The following CDH18 variants were observed in gnomAD, a reference collection of about 807,000 sequenced individuals.
The protein encoded by CDH18 is cadherin-18.
In CDH18, 31 loss-of-function variants were observed where a neutral mutation model predicts 67.9. That is an observed-to-expected ratio of 0.46 (90% confidence interval 0.34 to 0.62). The LOEUF (loss-of-function observed/expected upper bound fraction) is 0.62, where lower values mean the gene tolerates loss of function less well. Ranked by LOEUF, CDH18 falls within the 20% of genes least tolerant of loss-of-function variation. CDH18 has a pLI of 0.01. For synonymous variants in CDH18, 362 were observed against 347.2 expected, an observed-to-expected ratio of 1.04 and a Z score of -0.48; for missense variants, 890 against 975.5, an observed-to-expected ratio of 0.91 and a Z score of 1.17.
chr5:19,520,474 G>A (rs964587763), intron 10 of CDH18, among the ~76,000 whole-genome samples, 183 bp downstream of exon 10: 1 of 152,120 alleles, frequency 6.6e-6, no homozygotes, highest in Non-Finnish European at 1.5e-5. Flanking sequence ...CGGATCCAAA[G>A]AAAATTCAAT....
intron 2 of CDH18, among the ~76,000 whole-genome samples, chr5:20,104,567 T>C (rs955576132): frequency 6.6e-6 from 1 of 152,158 alleles, no homozygotes; most frequent in Admixed American, 6.6e-5. Context: ...TTTTAGATTG[T>C]CTCACAGGTC....
At chr5:20,467,023 C>A (rs1443913007) in intron 1 of CDH18, among the ~76,000 whole-genome samples, 2 of 151,836 alleles carry the variant, frequency 1.3e-5, no homozygotes, top group Non-Finnish European at 2.9e-5. Context: ...GATCGCCTGG[C>A]AACATTTTAT....
chr5:19,736,618 G>T (rs755038671), intron 4 of CDH18, among the ~76,000 whole-genome samples: 5 of 151,942 alleles, frequency 3.3e-5, no homozygotes, highest in Non-Finnish European at 7.4e-5. Context: ...GTGTGTGTTT[G>T]TTTTCTATAC....
At chr5:20,437,547 T>G (rs1377173402) in intron 1 of CDH18, among the ~76,000 whole-genome samples, 3 of 151,298 alleles carry the variant, frequency 2.0e-5, no homozygotes, top group Admixed American at 6.6e-5. Flanking sequence ...AGTAGTCTCT[T>G]GGTTATAATG....
chr5:20,302,829 A>C (rs1236561774), intron 1 of CDH18, among the ~76,000 whole-genome samples: 1 of 152,176 alleles, frequency 6.6e-6, no homozygotes, highest in East Asian at 1.9e-4. Context: ...ATGATTCATG[A>C]GGAATCAAAG....
intron 1 of CDH18, among the ~76,000 whole-genome samples, chr5:20,303,146 T>TAA (rs1736090380): frequency 6.6e-6 from 1 of 152,174 alleles, no homozygotes; most frequent in African/African-American, 2.4e-5. Flanking sequence ...CCCAGGCACG[T>TAA]CAATTGGTCA....
chr5:20,122,403 A>C (rs963964976), intron 2 of CDH18, among the ~76,000 whole-genome samples: 1 of 152,198 alleles, frequency 6.6e-6, no homozygotes, highest in Non-Finnish European at 1.5e-5. Flanking sequence ...AATGATCCAC[A>C]AAATGTTATG....
intron 4 of CDH18, among the ~76,000 whole-genome samples, chr5:19,738,656 A>G (rs890665015): frequency 6.6e-6 from 1 of 152,226 alleles, no homozygotes; most frequent in Non-Finnish European, 1.5e-5. Context: ...GACCAGTTTT[A>G]TTAGGGAATT....
chr5:20,163,339 A>T (rs1191135357), intron 2 of CDH18, among the ~76,000 whole-genome samples: 2 of 152,046 alleles, frequency 1.3e-5, no homozygotes, highest in Middle Eastern at 3.2e-3. Context: ...CAATTTTCTA[A>T]AAAAAGTATC....
At chr5:19,638,175 T>G (rs1753438286) in intron 5 of CDH18, among the ~76,000 whole-genome samples, 1 of 152,162 alleles carries the variant, frequency 6.6e-6, no homozygotes, top group Admixed American at 6.5e-5. Flanking sequence ...AATAACTGAA[T>G]AAAATACAAG....
intron 10 of CDH18, among the ~76,000 whole-genome samples, chr5:19,518,535 G>C (rs900968226): frequency 2.3e-5 from 3 of 133,130 alleles, no homozygotes; most frequent in African/African-American, 3.3e-5. Flanking sequence ...TGCCAGACAG[G>C]CTAGAATAAA....
intron 1 of CDH18, among the ~76,000 whole-genome samples, chr5:20,265,640 ATATACT>A (rs1218255986): frequency 1.3e-5 from 2 of 152,076 alleles, no homozygotes; most frequent in Admixed American, 6.6e-5. Context: ...TACCATTCTG[ATATACT>A]TATGCATAAA....
chr5:20,237,202 C>A (rs1014727801), intron 2 of CDH18, among the ~76,000 whole-genome samples: 5 of 151,648 alleles, frequency 3.3e-5, no homozygotes, highest in Non-Finnish European at 7.4e-5. Flanking sequence ...CTACAAAATG[C>A]CAAAAGAAAA....
chr5:19,494,816 G>A (rs942384741), intron 11 of CDH18, among the ~76,000 whole-genome samples: 35 of 152,234 alleles, frequency 2.3e-4, no homozygotes, highest in Non-Finnish European at 2.9e-4. Context: ...TGCCTTGGAG[G>A]TGACTTTTGG....
intron 1 of CDH18, among the ~76,000 whole-genome samples, chr5:20,294,645 T>G (rs1240271119): frequency 6.6e-6 from 1 of 152,214 alleles, no homozygotes; most frequent in East Asian, 1.9e-4. Flanking sequence ...CTTAATCTTT[T>G]TGTCCCATTT....
At chr5:20,345,819 A>T (rs1324163050) in intron 1 of CDH18, among the ~76,000 whole-genome samples, 22 of 152,046 alleles carry the variant, frequency 1.4e-4, no homozygotes, top group Admixed American at 1.2e-3. Context: ...TAGTCCTTCC[A>T]TTTCAGCCCC....
intron 2 of CDH18, among the ~76,000 whole-genome samples, chr5:19,864,151 G>A (rs1290204848): frequency 6.7e-6 from 1 of 150,034 alleles, no homozygotes; most frequent in Non-Finnish European, 1.5e-5. Context: ...ATGATAGACT[G>A]GATTAAGAAA....
At chr5:20,283,509 T>A (rs1380201470) in intron 1 of CDH18, among the ~76,000 whole-genome samples, 2 of 146,684 alleles carry the variant, frequency 1.4e-5, no homozygotes, top group Non-Finnish European at 3.0e-5. Context: ...ATGTTCATGA[T>A]CACGGATCAT....
At chr5:20,349,657 T>A (rs1041044282) in intron 1 of CDH18, among the ~76,000 whole-genome samples, 1 of 152,142 alleles carries the variant, frequency 6.6e-6, no homozygotes, top group African/African-American at 2.4e-5. Flanking sequence ...TTACAAGATA[T>A]AATGTTTTAG....
Sources: gnomAD v4.1 joint callset for allele counts (sites outside exome capture counted in the v4.1 genomes callset) on GRCh38, gnomAD v4.1.1 for gene constraint, MANE v1.5 for transcripts, NCBI Gene and HGNC (gene_info 2026-07-23, HGNC 2026-07-21) for gene names.